SPOCK3: variants seen among roughly 807,000 people sequenced by gnomAD.
The protein encoded by SPOCK3 is testican-3.
Under a neutral mutation model 56.6 loss-of-function variants are expected in SPOCK3, and 30 were observed. The observed-to-expected ratio is 0.53, with a 90% CI of 0.40 to 0.72. The LOEUF (loss-of-function observed/expected upper bound fraction) is 0.72. Among genes scored for constraint, SPOCK3 ranks in the 30% least tolerant of loss-of-function variants. The pLI, the probability that SPOCK3 is intolerant of heterozygous loss-of-function variation, is 0.00. For missense variants in SPOCK3, 527 were observed against 530.0 expected (o/e 0.99, Z 0.06); for synonymous variants, 196 against 183.3 (o/e 1.07, Z -0.56).
chr4:166,817,832 G>T (rs1011660418), intron 6 of SPOCK3, among the ~76,000 whole-genome samples: 5 of 152,034 alleles, frequency 3.3e-5, no homozygotes, highest in African/African-American at 1.2e-4. Context: ...TTAAGAAACT[G>T]TGACAGTGAC....
intron 2 of SPOCK3, among the ~76,000 whole-genome samples, chr4:167,226,133 A>T (rs1355478134): frequency 6.6e-6 from 1 of 152,212 alleles, no homozygotes; most frequent in Non-Finnish European, 1.5e-5. Context: ...CTACAGCTCA[A>T]AAAGATTTCA....
chr4:167,128,194 A>T (rs1286184675), intron 2 of SPOCK3, among the ~76,000 whole-genome samples: 1 of 152,148 alleles, frequency 6.6e-6, no homozygotes, highest in Non-Finnish European at 1.5e-5. Context: ...ACTCAAGCAC[A>T]TTGAAAAACT....
intron 2 of SPOCK3, among the ~76,000 whole-genome samples, chr4:167,167,796 A>G (rs1730119813): frequency 1.3e-5 from 2 of 152,150 alleles, no homozygotes; most frequent in Non-Finnish European, 2.9e-5. Context: ...TTGAAAATTC[A>G]GGGGACTGTT....
chr4:167,103,592 T>C (rs993123211), intron 2 of SPOCK3, among the ~76,000 whole-genome samples: 1 of 152,124 alleles, frequency 6.6e-6, no homozygotes, highest in Non-Finnish European at 1.5e-5. Flanking sequence ...ACCAGGTAGA[T>C]TTCTAAGGTT....
intron 2 of SPOCK3, among the ~76,000 whole-genome samples, chr4:167,129,652 C>A (rs1762552033): frequency 6.6e-6 from 1 of 152,006 alleles, no homozygotes; most frequent in Non-Finnish European, 1.5e-5. Context: ...AGTTAAAGCA[C>A]AAACTGCTAT....
chr4:167,183,170 C>T (rs922115460), intron 2 of SPOCK3, among the ~76,000 whole-genome samples: 7 of 152,178 alleles, frequency 4.6e-5, no homozygotes, highest in Non-Finnish European at 8.8e-5. Flanking sequence ...AGCAGAGACT[C>T]CCAGCCAGAA....
chr4:167,004,790 T>G (rs1749305056), intron 3 of SPOCK3, among the ~76,000 whole-genome samples: 1 of 152,102 alleles, frequency 6.6e-6, no homozygotes, highest in Non-Finnish European at 1.5e-5. Context: ...GAACAATAAA[T>G]AAGATATTTG....
At chr4:167,064,777 G>A (rs928186349) in intron 2 of SPOCK3, among the ~76,000 whole-genome samples, 17 of 151,498 alleles carry the variant, frequency 1.1e-4, no homozygotes, top group African/African-American at 4.1e-4. Context: ...GATGAAAGTT[G>A]GAAAAATAAT....
At chr4:166,831,572 A>C (rs1327565771) in intron 6 of SPOCK3, among the ~76,000 whole-genome samples, 2 of 152,082 alleles carry the variant, frequency 1.3e-5, no homozygotes, top group Admixed American at 6.6e-5. Flanking sequence ...AACATATCAA[A>C]TTCATTGAAA....
intron 7 of SPOCK3, among the ~76,000 whole-genome samples, chr4:166,791,730 C>G (rs1741382922): frequency 6.6e-6 from 1 of 151,758 alleles, no homozygotes; most frequent in Non-Finnish European, 1.5e-5. Flanking sequence ...TTGCAGATAT[C>G]CTCTCTTGTC....
At chr4:167,119,773 A>G in intron 2 of SPOCK3, 1 of 1,501,076 alleles carries the variant, frequency 6.7e-7, no homozygotes, top group Non-Finnish European at 9.0e-7. Context: ...ACGTTAACAT[A>G]TATTTAACAA....
At chr4:167,093,454 C>T (rs1192820356) in intron 2 of SPOCK3, among the ~76,000 whole-genome samples, 1 of 152,078 alleles carries the variant, frequency 6.6e-6, no homozygotes, top group Non-Finnish European at 1.5e-5. Flanking sequence ...CCCCCCATCC[C>T]CTGACAGGCC....
chr4:166,984,997 A>G (rs1165208536), intron 4 of SPOCK3, among the ~76,000 whole-genome samples: 1 of 152,104 alleles, frequency 6.6e-6, no homozygotes, highest in East Asian at 1.9e-4. Context: ...GGAGCCATTC[A>G]GAATATGGCC....
At chr4:166,886,631 AT>A (rs1387521601) in intron 6 of SPOCK3, among the ~76,000 whole-genome samples, 1 of 152,184 alleles carries the variant, frequency 6.6e-6, no homozygotes, top group Non-Finnish European at 1.5e-5. Context: ...AGATTTAAAG[AT>A]TCTGATCTTA....
rs200017662 is a variant in SPOCK3 at position 167,150,300 on chromosome 4, G to GT, written c.189+83684dup. Among the ~76,000 whole-genome samples the GT allele has an allele frequency of 1.5e-3, 226 of 150,910 alleles. 6 individuals are homozygous for GT. The East Asian group carries it at 0.021, about 14-fold the overall frequency. ...GTGTAGACTATAAAGACTACTGATG[G>GT]TTTTTTTTTAATGTAAAAATGAATA... On this transcript the variant is annotated intron_variant, in intron 2 of 10. Transcript: ENST00000357545.
intron 8 of SPOCK3, among the ~76,000 whole-genome samples, chr4:166,746,397 C>G (rs192704903): frequency 6.6e-6 from 1 of 151,948 alleles, no homozygotes; most frequent in East Asian, 1.9e-4. Flanking sequence ...GGGTACATAA[C>G]GAAATGAAGG....
intron 2 of SPOCK3, among the ~76,000 whole-genome samples, chr4:167,111,025 T>G (rs1404560496): frequency 2.0e-5 from 3 of 151,922 alleles, no homozygotes; most frequent in African/African-American, 7.2e-5. Context: ...TACTGGACAC[T>G]TACAGGGCCA....
chr4:167,232,516 A>G (rs1260893565), intron 2 of SPOCK3, among the ~76,000 whole-genome samples: 2 of 152,184 alleles, frequency 1.3e-5, no homozygotes, highest in African/African-American at 4.8e-5. Flanking sequence ...AATACTGATG[A>G]AGTGTTCAAT....
intron 2 of SPOCK3, among the ~76,000 whole-genome samples, chr4:167,110,211 T>C (rs1379230985): frequency 6.6e-6 from 1 of 152,062 alleles, no homozygotes. Context: ...CTATAATGCA[T>C]TCACTTTCCC....
Sources: gnomAD v4.1 joint callset for allele counts (sites outside exome capture counted in the v4.1 genomes callset) on GRCh38, gnomAD v4.1.1 for gene constraint, MANE v1.5 for transcripts, NCBI Gene and HGNC (gene_info 2026-07-23, HGNC 2026-07-21) for gene names.